SIK2: variants seen among roughly 807,000 people sequenced by gnomAD.
The protein encoded by SIK2 is serine/threonine-protein kinase SIK2.
SIK2 carries 29 observed loss-of-function variants against 103.2 expected under a neutral mutation model. That is an observed-to-expected ratio of 0.28 (90% confidence interval 0.21 to 0.38). SIK2 has a LOEUF of 0.38. Ranked by LOEUF, SIK2 falls within the 10% of genes least tolerant of loss-of-function variation. The pLI is 1.00. For synonymous variants in SIK2, 412 were observed against 446.1 expected (o/e 0.92, Z 0.96); for missense variants, 879 against 1,171.0 (o/e 0.75, Z 3.64).
chr11:111,639,685 C>G (rs1341077943), intron 3 of SIK2, among the ~76,000 whole-genome samples: 1 of 152,160 alleles, frequency 6.6e-6, no homozygotes, highest in Non-Finnish European at 1.5e-5. Context: ...GTCTGCCCAT[C>G]CTTTGATTGT....
intron 9 of SIK2, among the ~76,000 whole-genome samples, chr11:111,717,089 C>T (rs535645586): frequency 8.1e-4 from 123 of 151,732 alleles, no homozygotes; most frequent in African/African-American, 2.8e-3. Flanking sequence ...CTGAGGCAGG[C>T]GGATCACGAG....
intron 2 of SIK2, among the ~76,000 whole-genome samples, chr11:111,618,801 G>A (rs1941843341): frequency 6.6e-6 from 1 of 152,108 alleles, no homozygotes; most frequent in Non-Finnish European, 1.5e-5. Context: ...CACAATCATA[G>A]CTCACTGCAG....
At chr11:111,703,616 C>T (rs1943269411) in intron 7 of SIK2, among the ~76,000 whole-genome samples, 193 bp downstream of exon 7, 1 of 152,198 alleles carries the variant, frequency 6.6e-6, no homozygotes, top group African/African-American at 2.4e-5. Context: ...TCTTTGCCCC[C>T]ATCTGCCAAA....
intron 7 of SIK2, 82 bp downstream of exon 7, chr11:111,703,505 A>G: frequency 8.0e-7 from 1 of 1,247,288 alleles, no homozygotes; most frequent in Non-Finnish European, 1.2e-6. Flanking sequence ...CTGGTCTTTT[A>G]GCACATGTAT....
At chr11:111,675,410 C>T (rs1341209361) in intron 3 of SIK2, among the ~76,000 whole-genome samples, 1 of 152,216 alleles carries the variant, frequency 6.6e-6, no homozygotes, top group Non-Finnish European at 1.5e-5. Context: ...AGTATTTCAA[C>T]CCTGTCAATT....
chr11:111,721,990 GTTC>G lies in SIK2; in HGVS notation c.2055+55_2055+57del, dbSNP rs755268641. The G allele has an allele frequency of 9.9e-6, 14 of 1,412,594 alleles. No individual in the cohort carries two copies. In the South Asian group the frequency reaches 1.6e-4, roughly 16 times the overall value. 87.5% of individuals were successfully genotyped at this position (1,412,594 alleles called of 1,614,324 possible). ...ACCTCACTCTGCTCATCCAGAATCTGTTCTTCTGCAAAGCAGAAACGTGTTTTG... is the reference window on the plus strand; with the variant it reads ...ACCTCACTCTGCTCATCCAGAATCTGTTCTGCAAAGCAGAAACGTGTTTTG... On this transcript the variant is annotated intron_variant, in intron 13 of 14. Coordinates refer to ENST00000304987, the MANE Select transcript of SIK2 (RefSeq NM_015191.3).
intron 4 of SIK2, among the ~76,000 whole-genome samples, chr11:111,697,086 GGTGGTGGTTA>G (rs1164534313): frequency 6.6e-6 from 1 of 152,146 alleles, no homozygotes; most frequent in African/African-American, 2.4e-5. Context: ...GAGACATAAA[GGTGGTGGTTA>G]ACAATGAAGG....
chr11:111,717,024 C>T (rs1943659574), intron 9 of SIK2, among the ~76,000 whole-genome samples: 2 of 152,116 alleles, frequency 1.3e-5, no homozygotes, highest in Admixed American at 1.3e-4. Context: ...TGAAAAAAAG[C>T]TCAACAGCGG....
intron 3 of SIK2, among the ~76,000 whole-genome samples, chr11:111,674,091 A>AG (rs1942666406): frequency 1.3e-5 from 2 of 151,526 alleles, no homozygotes; most frequent in Non-Finnish European, 2.9e-5. Flanking sequence ...AAAGAAAAAA[A>AG]GAAAAAAAAA....
chr11:111,672,650 G>A (rs1942644883), intron 3 of SIK2, among the ~76,000 whole-genome samples: 1 of 152,102 alleles, frequency 6.6e-6, no homozygotes, highest in South Asian at 2.1e-4. Context: ...GTCAGAGACT[G>A]TCAAGAAGCT....
rs1324000373 is a variant in SIK2 at position 111,729,533 on chromosome 11, G to C, written c.*5404G>C. Reference sequence around the variant, plus strand: ...TTCTCTGAGATCACAGCTGGTGATAGAAGGAGCTGGGACACGCGCTTGGGT... The same window carrying C: ...TTCTCTGAGATCACAGCTGGTGATACAAGGAGCTGGGACACGCGCTTGGGT... On this transcript the variant is annotated 3_prime_UTR_variant, in exon 15 of 15. Transcript: ENST00000304987. 2 of 152,374 alleles carry C rather than the reference G, an allele frequency of 1.3e-5. No individual in the cohort carries two copies. The highest frequency in any genetic ancestry group is 2.1e-4 in the South Asian group (1 of 4,832). The allele number at this position is 152,374 out of a possible 1,614,324, so 9.4% of individuals were successfully genotyped here.
At chr11:111,617,369 C>G (rs1941821479) in intron 2 of SIK2, among the ~76,000 whole-genome samples, 1 of 152,138 alleles carries the variant, frequency 6.6e-6, no homozygotes, top group Non-Finnish European at 1.5e-5. Context: ...TAGAATTTTT[C>G]TGTTGAAAAG....
At chr11:111,607,537 T>G (rs1035383734) in intron 1 of SIK2, among the ~76,000 whole-genome samples, 1 of 152,206 alleles carries the variant, frequency 6.6e-6, no homozygotes, top group African/African-American at 2.4e-5. Context: ...ATTAATCTTG[T>G]ACTGTGAAAT....
At position 111,698,746 on chromosome 11, in the gene SIK2, A is replaced by G. The variant is rs189108849; in HGVS notation, c.479-2140A>G. Among the ~76,000 whole-genome samples the G allele has an allele frequency of 1.9e-3, 290 of 152,316 alleles. 1 individual carries two copies. The highest frequency in any genetic ancestry group is 5.6e-3 in the Admixed American group (85 of 15,302). Reference sequence around the variant, plus strand: ...AGAAAGAAAGAAAAACAACCTTACCAGTGCTATTTGGAGAGTATCCTCAAT... The same window carrying G: ...AGAAAGAAAGAAAAACAACCTTACCGGTGCTATTTGGAGAGTATCCTCAAT... On this transcript the variant is annotated intron_variant, in intron 4 of 14. Coordinates refer to ENST00000304987, the MANE Select transcript of SIK2 (RefSeq NM_015191.3).
intron 3 of SIK2, among the ~76,000 whole-genome samples, chr11:111,635,440 AAGGG>A (rs1350902076): frequency 0.029 from 2,370 of 81,388 alleles, 113 homozygotes; most frequent in African/African-American, 0.11. Context: ...GGAAGGAAGG[AAGGG>A]AGGGAGGGAG....
intron 8 of SIK2, among the ~76,000 whole-genome samples, 189 bp from the exon 9 acceptor site, chr11:111,712,022 G>A (rs146057960): frequency 2.2e-4 from 33 of 152,298 alleles, no homozygotes; most frequent in African/African-American, 7.2e-4. Flanking sequence ...CAGAGTAACC[G>A]ATTGCTGAGT....
chr11:111,712,359 G>T lies in SIK2; in HGVS notation c.1250G>T (p.Cys417Phe). The change falls in exon 9 of 15, where the codon TGT becomes TTT. Residue 417 changes from cysteine (C) to phenylalanine (F), a missense_variant. By Grantham distance (205) the Cys-to-Phe change is radical. Transcript: ENST00000304987. ...GAAGCTGCATTCATGGAAGAAGAGT[G>T]TGTGGACACTCCAAAGGTACGGCTA... is the stretch of plus-strand genomic sequence containing the variant. ...QAEAAFMEEE[C>F]VDTPKVNGCL... 6.2e-7 allele frequency: 1 copy of T among 1,614,110 alleles called. No homozygotes were observed. Among genetic ancestry groups the T allele is most frequent in the Non-Finnish European group, 8.5e-7 (1 of 1,179,996 alleles).
chr11:111,648,173 A>G (rs1027508824), intron 3 of SIK2, among the ~76,000 whole-genome samples: 4 of 152,200 alleles, frequency 2.6e-5, no homozygotes, highest in African/African-American at 9.6e-5. Flanking sequence ...GTAGAATACT[A>G]TGCATGGTAT....
intron 4 of SIK2, among the ~76,000 whole-genome samples, chr11:111,690,187 G>T (rs867994077): frequency 6.6e-6 from 1 of 150,676 alleles, no homozygotes; most frequent in South Asian, 2.1e-4. Flanking sequence ...CCAACCTTCT[G>T]TGAGGAACTT....
Sources: gnomAD v4.1 joint callset for allele counts (sites outside exome capture counted in the v4.1 genomes callset) on GRCh38, gnomAD v4.1.1 for gene constraint, MANE v1.5 for transcripts, NCBI Gene and HGNC (gene_info 2026-07-23, HGNC 2026-07-21) for gene names.